Variants in TRIQK observed in about 807,000 individuals in gnomAD.
TRIQK encodes the protein triple QxxK/R motif-containing protein.
Under a neutral mutation model 10.8 loss-of-function variants are expected in TRIQK, and 10 were observed. The ratio of observed to expected loss-of-function variants is 0.92; its 90% CI spans 0.57 to 1.57. The LOEUF (loss-of-function observed/expected upper bound fraction) is 1.57. Among genes scored for constraint, TRIQK ranks in the 40% most tolerant of loss-of-function variants. TRIQK has a pLI of 0.00. For synonymous variants in TRIQK, 33 were observed against 33.7 expected, an observed-to-expected ratio of 0.98 and a Z score of 0.07; for missense variants, 107 against 97.7, an observed-to-expected ratio of 1.09 and a Z score of -0.40.
intron 1 of TRIQK, chr8:92,972,462 A>G (rs969091122): frequency 1.3e-5 from 2 of 152,126 alleles, no homozygotes; most frequent in Non-Finnish European, 2.9e-5. Flanking sequence ...GTAACAATCT[A>G]TATTGTTATG....
At position 92,981,690 on chromosome 8, in the gene TRIQK, T is replaced by G. The variant is rs1408309791; in HGVS notation, c.-180-27126A>C. Among the ~76,000 whole-genome samples, 3 of 151,892 alleles carry G rather than the reference T, an allele frequency of 2.0e-5. No individual in the cohort carries two copies. In the East Asian group the frequency reaches 5.8e-4, roughly 29 times the overall value. On this transcript the variant is annotated intron_variant, in intron 1 of 4. Transcript: ENST00000520686. ...GTCTAATATTAACATTGCTATACTT[T>G]TTAACAATTTACTGGCTTATTTGTT... is the stretch of plus-strand genomic sequence containing the variant.
chr8:93,001,724 G>A (rs954813609), intron 1 of TRIQK, among the ~76,000 whole-genome samples: 7 of 152,190 alleles, frequency 4.6e-5, no homozygotes, highest in African/African-American at 1.7e-4. Flanking sequence ...AAGGTGGACA[G>A]GTCATCCAGA....
intron 1 of TRIQK, among the ~76,000 whole-genome samples, chr8:92,977,988 G>C (rs76425147): frequency 0.016 from 2,478 of 152,112 alleles, 27 homozygotes; most frequent in Non-Finnish European, 0.027. Flanking sequence ...ACCATGTGTT[G>C]GTCTTATGGA....
At chr8:93,014,728 C>A (rs1329336102) in intron 1 of TRIQK, among the ~76,000 whole-genome samples, 1 of 151,966 alleles carries the variant, frequency 6.6e-6, no homozygotes, top group African/African-American at 2.4e-5. Flanking sequence ...GGAGATGCTA[C>A]ATTTATTTTA....
intron 2 of TRIQK, among the ~76,000 whole-genome samples, chr8:92,944,930 C>A (rs1182844538): frequency 6.6e-6 from 1 of 152,062 alleles, no homozygotes; most frequent in Non-Finnish European, 1.5e-5. Context: ...TGATTTTGCA[C>A]AATGTATATA....
At chr8:92,982,367 T>G (rs1288005484) in intron 1 of TRIQK, among the ~76,000 whole-genome samples, 2 of 152,158 alleles carry the variant, frequency 1.3e-5, no homozygotes, top group South Asian at 4.1e-4. Context: ...TAAAGATTTA[T>G]GTATTACGTG....
At chr8:92,936,228 A>G (rs1394251636) in intron 2 of TRIQK, among the ~76,000 whole-genome samples, 1 of 151,734 alleles carries the variant, frequency 6.6e-6, no homozygotes, top group Admixed American at 6.6e-5. Context: ...TAAACATAAT[A>G]TTAGACAACC....
chr8:92,989,535 C>T (rs1392517418), intron 1 of TRIQK, among the ~76,000 whole-genome samples: 3 of 152,170 alleles, frequency 2.0e-5, no homozygotes, highest in Non-Finnish European at 4.4e-5. Context: ...AGGTTGCACA[C>T]TCCTTATGAG....
At chr8:92,908,203 A>C (rs1186519034) in intron 3 of TRIQK, among the ~76,000 whole-genome samples, 3 of 152,068 alleles carry the variant, frequency 2.0e-5, no homozygotes, top group Non-Finnish European at 4.4e-5. Flanking sequence ...TATCACGTGA[A>C]TATCTGGTTA....
chr8:92,928,541 C>A (rs889642494), intron 2 of TRIQK, among the ~76,000 whole-genome samples: 1 of 152,166 alleles, frequency 6.6e-6, no homozygotes, highest in Non-Finnish European at 1.5e-5. Context: ...ATCTTAGGGG[C>A]TAAAGTATAT....
chr8:93,015,394 C>G (rs1813374503), intron 1 of TRIQK, among the ~76,000 whole-genome samples: 1 of 151,360 alleles, frequency 6.6e-6, no homozygotes, highest in South Asian at 2.1e-4. Context: ...ACCCTTTTCC[C>G]CATTATAAAT....
chr8:93,000,581 G>A (rs1306043774), intron 1 of TRIQK, among the ~76,000 whole-genome samples: 2 of 152,110 alleles, frequency 1.3e-5, no homozygotes, highest in African/African-American at 4.8e-5. Flanking sequence ...AGATTTGGGT[G>A]GGGGTTGGGG....
chr8:92,951,026 A>C (rs990022038), intron 2 of TRIQK, among the ~76,000 whole-genome samples: 1 of 152,014 alleles, frequency 6.6e-6, no homozygotes, highest in Non-Finnish European at 1.5e-5. Flanking sequence ...TCTTTAAATC[A>C]TCTTTAGATT....
chr8:92,960,185 C>T (rs1812380358), intron 1 of TRIQK, among the ~76,000 whole-genome samples: 1 of 151,974 alleles, frequency 6.6e-6, no homozygotes, highest in South Asian at 2.1e-4. Flanking sequence ...TTCTTTTCTT[C>T]AGGAACAACT....
At chr8:93,008,707 T>A (rs1223632453) in intron 1 of TRIQK, among the ~76,000 whole-genome samples, 1 of 152,204 alleles carries the variant, frequency 6.6e-6, no homozygotes, top group Non-Finnish European at 1.5e-5. Flanking sequence ...CGATTTTCCA[T>A]AGAGATGTCA....
intron 1 of TRIQK, among the ~76,000 whole-genome samples, chr8:92,985,753 C>T (rs1281708714): frequency 6.6e-6 from 1 of 152,078 alleles, no homozygotes; most frequent in African/African-American, 2.4e-5. Flanking sequence ...TGTTAAAAAA[C>T]TGTATTACAC....
chr8:92,937,753 T>C (rs964563543), intron 2 of TRIQK, among the ~76,000 whole-genome samples: 1 of 151,896 alleles, frequency 6.6e-6, no homozygotes, highest in African/African-American at 2.4e-5. Flanking sequence ...ATTATACTAC[T>C]CTACATATTA....
intron 3 of TRIQK, among the ~76,000 whole-genome samples, chr8:92,911,107 G>C (rs772974591): frequency 1.3e-4 from 19 of 151,052 alleles, no homozygotes; most frequent in Non-Finnish European, 2.8e-4. Context: ...CAAGAAACAA[G>C]GCTAAAAATC....
rs1404770032 is a variant in TRIQK at position 92,885,789 on chromosome 8, T to C, written c.*833A>G. ...GATGATTCTGAGTAGGTAGGATTTT[T>C]GCTATTACTGTTATGTGAAAAAGAC... On this transcript the variant is annotated 3_prime_UTR_variant, in exon 5 of 5. Transcript: ENST00000521988. 2.6e-5 allele frequency: 4 copies of C among 151,738 alleles called. No individual in the cohort carries two copies. The highest frequency in any genetic ancestry group is 5.9e-5 in the Non-Finnish European group (4 of 67,818). 9.4% of individuals were successfully genotyped at this position (151,738 alleles called of 1,614,324 possible).
Sources: allele counts gnomAD v4.1 joint callset (sites outside exome capture counted in the v4.1 genomes callset), GRCh38; gene constraint gnomAD v4.1.1; transcripts MANE v1.5; gene names NCBI Gene and HGNC (gene_info 2026-07-23, HGNC 2026-07-21).